The following SMAD2 variants were observed in gnomAD, a reference collection of about 807,000 sequenced individuals.
SMAD2 encodes SMAD family member 2, also known as MAD homolog 2.
In SMAD2, 8 loss-of-function variants were observed where a neutral mutation model predicts 64.4. That is an observed-to-expected ratio of 0.12 (90% CI 0.07 to 0.22). The LOEUF (loss-of-function observed/expected upper bound fraction) is 0.22, where lower values mean the gene tolerates loss of function less well. Among genes scored for constraint, SMAD2 ranks in the 10% least tolerant of loss-of-function variants. The pLI, the probability that SMAD2 is intolerant of heterozygous loss-of-function variation, is 1.00. For missense variants in SMAD2, 289 were observed against 561.2 expected (o/e 0.51, Z 4.90); for synonymous variants, 203 against 195.8 (o/e 1.04, Z -0.31).
rs890679452 is a variant in SMAD2 at position 47,816,396 on chromosome 18, T to G, written c.*25431A>C. On this transcript the variant is annotated 3_prime_UTR_variant, in exon 11 of 11. Transcript: ENST00000262160. ...TTATAAATTGGAAAATGAGAAAAGA[T>G]AGTCTGGTATAACTGCCTGAACAAC... 6.6e-6 allele frequency: 1 copy of G among 152,202 alleles called. No individual in the cohort carries two copies. Among genetic ancestry groups the G allele is most frequent in the South Asian group, 2.1e-4 (1 of 4,834 alleles). The allele number at this position is 152,202 out of a possible 1,614,324, so 9.4% of individuals were successfully genotyped here. A position where few individuals can be genotyped will look rare whatever the true frequency, so the allele number is the denominator to read the frequency against.
At chr18:47,842,165 C>A (rs1305091455) in intron 10 of SMAD2, among the ~76,000 whole-genome samples, 1 of 152,190 alleles carries the variant, frequency 6.6e-6, no homozygotes, top group Non-Finnish European at 1.5e-5. Context: ...ATCTTTTTCT[C>A]ATCGCACTAA....
intron 2 of SMAD2, among the ~76,000 whole-genome samples, chr18:47,885,514 T>C (rs1037252100): frequency 3.7e-4 from 56 of 152,028 alleles, no homozygotes; most frequent in African/African-American, 1.3e-3. Flanking sequence ...GTAACATAAA[T>C]GACAAAATAA....
chr18:47,911,366 A>G (rs2034129134), intron 1 of SMAD2, among the ~76,000 whole-genome samples: 1 of 151,724 alleles, frequency 6.6e-6, no homozygotes, highest in Admixed American at 6.6e-5. Flanking sequence ...AAAAAAAAAA[A>G]GAAAATAATG....
At chr18:47,887,758 T>TA (rs1261796394) in intron 2 of SMAD2, among the ~76,000 whole-genome samples, 1 of 152,138 alleles carries the variant, frequency 6.6e-6, no homozygotes, top group Non-Finnish European at 1.5e-5. Context: ...CTTTTTCAGA[T>TA]AGAAGTCAAG....
rs1792662 is a variant in SMAD2, at chr18:47,822,873, C to G, written c.*18954G>C. On this transcript the variant is annotated 3_prime_UTR_variant, in exon 11 of 11. Transcript: ENST00000262160. ...TGTATTTTTTAGTAGAGACGGTGGC[C>G]GGGGGGAGGTTTCACTATGTTGGCC... 88,428 of 151,934 alleles carry G rather than the reference C, an allele frequency of 0.58. 26,072 individuals carry two copies. Among genetic ancestry groups the G allele is most frequent in the East Asian group, 0.82 (4,235 of 5,150 alleles). The allele number at this position is 151,934 out of a possible 1,614,324, so 9.4% of individuals were successfully genotyped here. A position where few individuals can be genotyped will look rare whatever the true frequency, so the allele number is the denominator to read the frequency against.
chr18:47,871,789 GGTTT>G (rs1201130854), intron 2 of SMAD2, among the ~76,000 whole-genome samples: 4 of 151,980 alleles, frequency 2.6e-5, no homozygotes, highest in African/African-American at 9.7e-5. Flanking sequence ...TGACATTAAT[GGTTT>G]ATTTAAAAGA....
chr18:47,862,250 C>T (rs11663262), intron 6 of SMAD2, among the ~76,000 whole-genome samples: 5,322 of 152,214 alleles, frequency 0.035, 124 homozygotes, highest in Non-Finnish European at 0.054. Flanking sequence ...TAGTAGGATA[C>T]TCTCAAAATC....
chr18:47,840,516 A>C lies in SMAD2; in HGVS notation c.*1311T>G, dbSNP rs1438724442. 4.3e-6 allele frequency: 1 copy of C among 232,412 alleles called. No homozygotes were observed. The highest frequency in any genetic ancestry group is 6.1e-5 in the East Asian group (1 of 16,518). The allele number at this position is 232,412 out of a possible 1,614,324, so 14.4% of individuals were successfully genotyped here. On this transcript the variant is annotated 3_prime_UTR_variant, in exon 11 of 11. Transcript: ENST00000262160. The stretch of plus-strand genomic sequence containing the variant: ...TATAAGCTAAAAAACTTGCTAAATA[A>C]ATGGCTTTTCCCCCAATTTTTAAAA...
chr18:47,874,846 A>C (rs768199462), intron 2 of SMAD2, among the ~76,000 whole-genome samples: 2 of 152,180 alleles, frequency 1.3e-5, no homozygotes, highest in Non-Finnish European at 2.9e-5. Context: ...ATACATAAAC[A>C]TACGTATTTT....
rs558716946 is a variant in SMAD2, at chr18:47,872,849, C to T, written c.237-2285G>A. 1.8e-4 allele frequency among the ~76,000 whole-genome samples: 27 copies of T among 152,206 alleles called. No individual in the cohort carries two copies. In the South Asian group the frequency reaches 4.4e-3, roughly 25 times the overall value. On this transcript the variant is annotated intron_variant, in intron 2 of 10. Coordinates refer to ENST00000262160, the MANE Select transcript of SMAD2 (RefSeq NM_005901.6). ...ATGACTCTGTCTCCTGGTGCCAAAA[C>T]GGTTGGGAACAGCCGATTTAAAGTA...
intron 1 of SMAD2, among the ~76,000 whole-genome samples, chr18:47,917,746 T>G (rs1455531355): frequency 6.6e-6 from 1 of 152,062 alleles, no homozygotes; most frequent in African/African-American, 2.4e-5. Context: ...TTTTAAGATA[T>G]GGGTTCTCCC....
intron 1 of SMAD2, among the ~76,000 whole-genome samples, chr18:47,913,949 C>T (rs2034239358): frequency 6.6e-6 from 1 of 152,190 alleles, no homozygotes; most frequent in South Asian, 2.1e-4. Flanking sequence ...CTGAATAAGT[C>T]AGCTTACCAA....
At chr18:47,861,883 T>C (rs2031214647) in intron 6 of SMAD2, among the ~76,000 whole-genome samples, 1 of 152,234 alleles carries the variant, frequency 6.6e-6, no homozygotes, top group Non-Finnish European at 1.5e-5. Flanking sequence ...CTTATAAATA[T>C]CAGTCCTATT....
chr18:47,929,267 A>G (rs913535579), intron 1 of SMAD2, among the ~76,000 whole-genome samples: 1 of 152,238 alleles, frequency 6.6e-6, no homozygotes, highest in Non-Finnish European at 1.5e-5. Context: ...TTAAAGTAGA[A>G]TAGCAAATTT....
At chr18:47,852,060 T>C (rs570051563) in intron 6 of SMAD2, among the ~76,000 whole-genome samples, 1 of 152,190 alleles carries the variant, frequency 6.6e-6, no homozygotes, top group Non-Finnish European at 1.5e-5. Flanking sequence ...TGGTCACAAG[T>C]ACAGTTTTAA....
At chr18:47,850,303 TTATG>T (rs1303490821) in intron 7 of SMAD2, among the ~76,000 whole-genome samples, 2 of 36,150 alleles carry the variant, frequency 5.5e-5, no homozygotes, top group South Asian at 9.5e-4. Flanking sequence ...ATAATATATA[TTATG>T]TATGTTATAT....
At position 47,848,643 on chromosome 18, in the gene SMAD2, T is replaced by C. The variant is rs749281211; in HGVS notation, c.829A>G (p.Ile277Val). The C allele has an allele frequency of 6.2e-7, 1 of 1,613,854 alleles. No homozygotes were observed. Residue 277 changes from isoleucine to valine, a missense_variant, in exon 8 of 11, where the codon ATA (isoleucine) becomes GTA (valine). Transcript: ENST00000262160. ...TYSEPAFWCSIAYYELNQRVG... is the reference protein window; with the variant it reads ...TYSEPAFWCSVAYYELNQRVG... ...CTCTGATTTAATTCATAATATGCTA[T>C]CGAACACCAAAATGCAGGTTCTGAG...
At chr18:47,857,508 C>CT (rs1159825649) in intron 6 of SMAD2, among the ~76,000 whole-genome samples, 1 of 152,142 alleles carries the variant, frequency 6.6e-6, no homozygotes, top group Non-Finnish European at 1.5e-5. Flanking sequence ...TGGGGAAAAC[C>CT]TTTGCTTCTG....
intron 1 of SMAD2, among the ~76,000 whole-genome samples, chr18:47,900,164 G>C (rs1452037522): frequency 3.3e-5 from 5 of 152,104 alleles, no homozygotes; most frequent in African/African-American, 7.2e-5. Context: ...TTTTAATGAT[G>C]TATTTAACCC....
Sources: gnomAD v4.1 joint callset for allele counts (sites outside exome capture counted in the v4.1 genomes callset) on GRCh38, gnomAD v4.1.1 for gene constraint, MANE v1.5 for transcripts, NCBI Gene and HGNC (gene_info 2026-07-23, HGNC 2026-07-21) for gene names.